The following VPS53 variants were observed in gnomAD, a reference collection of about 807,000 sequenced individuals.
VPS53 encodes VPS53 subunit of GARP complex.
VPS53 carries 70 observed loss-of-function variants against 107.0 expected under a neutral mutation model. The ratio of observed to expected loss-of-function variants is 0.65; its 90% CI spans 0.54 to 0.80. The LOEUF is 0.80. Ranked by LOEUF, VPS53 falls within the 30% of genes least tolerant of loss-of-function variation. The pLI is 0.00. For synonymous variants in VPS53, 409 were observed against 393.3 expected (o/e 1.04, Z -0.47); for missense variants, 917 against 1,049.4 (o/e 0.87, Z 1.74).
chr17:681,559 TGTTGTTCTG>T (rs1297443290), intron 4 of VPS53, among the ~76,000 whole-genome samples: 1 of 152,266 alleles, frequency 6.6e-6, no homozygotes, highest in African/African-American at 2.4e-5. Context: ...TGTTGTGATC[TGTTGTTCTG>T]GTTGAAAATA....
At chr17:536,972 C>T in intron 18 of VPS53, 56 bp downstream of exon 18, 2 of 1,599,642 alleles carry the variant, frequency 1.3e-6, no homozygotes, top group Non-Finnish European at 1.7e-6. Flanking sequence ...TGTTCTAAAA[C>T]ATAAAGTCTA....
chr17:536,806 T>G (rs984498039), intron 18 of VPS53: 9 of 521,916 alleles, frequency 1.7e-5, no homozygotes, highest in Non-Finnish European at 3.0e-5. Flanking sequence ...AGAGTCCGGG[T>G]GATAATGACG....
intron 17 of VPS53, among the ~76,000 whole-genome samples, chr17:549,780 A>G: frequency 6.6e-6 from 1 of 152,176 alleles, no homozygotes. Flanking sequence ...GACTGGCCTC[A>G]CTTTGCCTGC....
At chr17:617,796 C>G (rs575612467) in intron 11 of VPS53, among the ~76,000 whole-genome samples, 2 of 139,476 alleles carry the variant, frequency 1.4e-5, no homozygotes, top group African/African-American at 2.7e-5. Flanking sequence ...GGACTACAGG[C>G]GTGCGCCACC....
At chr17:675,175 G>A (rs982774590) in intron 4 of VPS53, 9 of 152,160 alleles carry the variant, frequency 5.9e-5, no homozygotes, top group African/African-American at 2.2e-4. Flanking sequence ...GCTGACAAAC[G>A]GTCCTAGAAC....
intron 5 of VPS53, chr17:656,981 G>C (rs58445115): frequency 1.1e-6 from 1 of 912,950 alleles, no homozygotes; most frequent in Non-Finnish European, 1.8e-6. Flanking sequence ...AGAAGATCCC[G>C]GGTACCTCTC....
chr17:611,777 G>A (rs1968889007), intron 11 of VPS53, among the ~76,000 whole-genome samples: 1 of 150,614 alleles, frequency 6.6e-6, no homozygotes, highest in African/African-American at 2.5e-5. Context: ...CACATAGTGA[G>A]TTCACACAGT....
At chr17:707,799 T>C (rs1011165495) in intron 2 of VPS53, among the ~76,000 whole-genome samples, 16 of 149,636 alleles carry the variant, frequency 1.1e-4, no homozygotes, top group Non-Finnish European at 1.5e-5. Flanking sequence ...TTACTGTGAT[T>C]GTGCCACTGC....
At chr17:628,756 A>C (rs948555197) in intron 8 of VPS53, among the ~76,000 whole-genome samples, 5 of 152,202 alleles carry the variant, frequency 3.3e-5, no homozygotes, top group African/African-American at 1.2e-4. Flanking sequence ...CCAGGTTCCA[A>C]GCCACGACAT....
chr17:690,915 C>T (rs1004952098), intron 4 of VPS53, among the ~76,000 whole-genome samples: 1 of 152,134 alleles, frequency 6.6e-6, no homozygotes, highest in Non-Finnish European at 1.5e-5. Flanking sequence ...TCTAGACATA[C>T]AAAAATTTAC....
intron 7 of VPS53, among the ~76,000 whole-genome samples, chr17:634,901 G>T (rs1970127251): frequency 6.7e-6 from 1 of 148,590 alleles, no homozygotes; most frequent in Non-Finnish European, 1.5e-5. Context: ...AATCCTTTGG[G>T]TATATACCCA....
At chr17:587,386 A>C (rs773828356) in intron 12 of VPS53, among the ~76,000 whole-genome samples, 5 of 152,278 alleles carry the variant, frequency 3.3e-5, no homozygotes, top group Admixed American at 2.0e-4. Flanking sequence ...TTATACCCCC[A>C]AATTTTATAA....
chr17:531,843 C>T (rs971251456), intron 19 of VPS53: 2 of 131,470 alleles, frequency 1.5e-5, no homozygotes, highest in Non-Finnish European at 3.1e-5. Flanking sequence ...GTGGCGTGAT[C>T]TGAGCTCACT....
intron 4 of VPS53, chr17:674,299 G>A (rs1246553416): frequency 6.6e-6 from 1 of 152,314 alleles, no homozygotes; most frequent in East Asian, 1.9e-4. Context: ...CAAGTTCGAG[G>A]TTATTGACTT....
intron 7 of VPS53, among the ~76,000 whole-genome samples, chr17:643,082 G>A (rs1210007837): frequency 7.5e-6 from 1 of 134,078 alleles, no homozygotes; most frequent in East Asian, 2.1e-4. Flanking sequence ...TGGCAACTGA[G>A]GACAACACTC....
Position 519,432 on chromosome 17 carries a change from G to T in VPS53, c.2329-134C>A. ...AGTTACTCCAGGCTGAGGATGAACC[G>T]TTTCCTCAAGGGACTCACCATCCCC... On this transcript the variant is annotated intron_variant, in intron 21 of 21. Transcript: ENST00000437048. This position sits in a 1 kb window ranked among gnomAD's most constrained non-coding sequence, Gnocchi z 5.0. 1.1e-6 allele frequency: 1 copy of T among 924,602 alleles called. No individual in the cohort carries two copies. Among genetic ancestry groups the T allele is most frequent in the Non-Finnish European group, 1.5e-6 (1 of 649,962 alleles). 57.3% of individuals were successfully genotyped at this position (924,602 alleles called of 1,614,324 possible). A position where few individuals can be genotyped will look rare whatever the true frequency, so the allele number is the denominator to read the frequency against.
At chr17:612,795 C>G (rs1360900960) in intron 11 of VPS53, among the ~76,000 whole-genome samples, 2 of 144,930 alleles carry the variant, frequency 1.4e-5, no homozygotes, top group Non-Finnish European at 3.0e-5. Flanking sequence ...AAAACCTGTA[C>G]AAATATTCAC....
At chr17:599,444 G>A (rs1968212218) in intron 12 of VPS53, among the ~76,000 whole-genome samples, 1 of 151,598 alleles carries the variant, frequency 6.6e-6, no homozygotes, top group Non-Finnish European at 1.5e-5. Context: ...GTTGATCTGT[G>A]ACCTTACCCC....
At chr17:667,632 G>C (rs184556167) in intron 4 of VPS53, among the ~76,000 whole-genome samples, 136 of 79,484 alleles carry the variant, frequency 1.7e-3, no homozygotes, top group Admixed American at 5.8e-3. Flanking sequence ...TTACAGAAGA[G>C]GACTGTTTTA....
Sources: gnomAD v4.1 joint callset for allele counts (sites outside exome capture counted in the v4.1 genomes callset) on GRCh38, gnomAD v4.1.1 for gene constraint, Gnocchi (gnomAD v3.1) non-coding constraint, MANE v1.5 for transcripts, NCBI Gene and HGNC (gene_info 2026-07-23, HGNC 2026-07-21) for gene names.